Variants in COL23A1 observed in about 807,000 individuals in gnomAD.
The protein encoded by COL23A1 is collagen alpha-1(XXIII) chain.
Under a neutral mutation model 99.3 loss-of-function variants are expected in COL23A1, and 97 were observed. That is an observed-to-expected ratio of 0.98 (90% confidence interval 0.83 to 1.16). The LOEUF (loss-of-function observed/expected upper bound fraction) is 1.16, where lower values mean the gene tolerates loss of function less well. Among genes scored for constraint, COL23A1 ranks in the 50% most tolerant of loss-of-function variants. The pLI is 0.00. For missense variants in COL23A1, 762 were observed against 757.4 expected, an observed-to-expected ratio of 1.01 and a Z score of -0.07; for synonymous variants, 320 against 308.2, an observed-to-expected ratio of 1.04 and a Z score of -0.40.
chr5:178,498,215 T>C lies in COL23A1; in HGVS notation c.361+62467A>G, dbSNP rs1179558613. Among the ~76,000 whole-genome samples the C allele has an allele frequency of 1.2e-4, 4 of 33,550 alleles. No homozygotes were observed. In the African/African-American group the frequency reaches 1.2e-3, roughly 10 times the overall value. 22.0% of individuals were successfully genotyped at this position (33,550 alleles called of 152,430 possible). On this transcript the variant is annotated intron_variant, in intron 2 of 28. Coordinates refer to ENST00000390654, the MANE Select transcript of COL23A1 (RefSeq NM_173465.4). ...CCCTGTCTTTATTTAAATATATATA[T>C]ATATATATATATATATATATATATA... is the stretch of plus-strand genomic sequence containing the variant.
At position 178,245,167 on chromosome 5, in the gene COL23A1, C is replaced by G. The variant is rs564120922; in HGVS notation, c.1440+775G>C. Among the ~76,000 whole-genome samples the G allele has an allele frequency of 6.2e-5, 9 of 144,052 alleles. No individual in the cohort carries two copies. In the South Asian group the frequency reaches 2.1e-3, roughly 33 times the overall value. The allele number at this position is 144,052 out of a possible 152,430, so 94.5% of individuals were successfully genotyped here. ...CTATCATCCATCCATCCGTCCATCC[C>G]TCCATCCCTCCACTGCCATCATCAT... On this transcript the variant is annotated intron_variant, in intron 25 of 28. Transcript: ENST00000390654.
At chr5:178,330,386 G>A (rs1393384975) in intron 2 of COL23A1, among the ~76,000 whole-genome samples, 1 of 152,170 alleles carries the variant, frequency 6.6e-6, no homozygotes, top group East Asian at 1.9e-4. Flanking sequence ...GCTGAGCGCT[G>A]TGGCCCATGC....
At chr5:178,297,443 G>A (rs1757806663) in intron 3 of COL23A1, among the ~76,000 whole-genome samples, 1 of 152,166 alleles carries the variant, frequency 6.6e-6, no homozygotes, top group Admixed American at 6.5e-5. Context: ...GCTTGAACCT[G>A]GGAGGCAGAT....
Position 178,246,255 on chromosome 5 carries a change from T to C in COL23A1, c.1412A>G (p.Lys471Arg). 1 of 1,553,602 alleles carries C rather than the reference T, an allele frequency of 6.4e-7. No homozygotes were observed. The highest frequency in any genetic ancestry group is 8.7e-7 in the Non-Finnish European group (1 of 1,147,780). ...LIGLPGTKGE[K>R]GRPGEPGLDG... ...GGGAGTTCCGAATGAGGCGGTTACC[T>C]TCTCTCCTTTGGTTCCTGGCAGCCC... Residue 471 changes from lysine (K) to arginine (R), a missense_variant and splice_region_variant, in exon 24 of 29, where the codon AAG becomes AGG. Transcript: ENST00000390654.
At chr5:178,277,903 C>G in intron 5 of COL23A1, among the ~76,000 whole-genome samples, 1 of 152,142 alleles carries the variant, frequency 6.6e-6, no homozygotes, top group Admixed American at 6.5e-5. Context: ...GCTTGACCCC[C>G]GTGGGGTGAG....
At chr5:178,462,918 C>T (rs763218751) in intron 2 of COL23A1, among the ~76,000 whole-genome samples, 5 of 152,154 alleles carry the variant, frequency 3.3e-5, no homozygotes, top group Non-Finnish European at 7.3e-5. Context: ...GACTGCGGAA[C>T]GAGGAGGAGA....
intron 2 of COL23A1, among the ~76,000 whole-genome samples, chr5:178,518,449 C>G (rs1195759626): frequency 2.0e-5 from 3 of 150,572 alleles, no homozygotes; most frequent in Non-Finnish European, 4.4e-5. Context: ...GGCAGAGGGG[C>G]TCCTCACTTC....
At chr5:178,293,066 G>C (rs114942415) in intron 3 of COL23A1, among the ~76,000 whole-genome samples, 1,566 of 152,158 alleles carry the variant, frequency 0.01, 32 homozygotes, top group African/African-American at 0.035. Flanking sequence ...GGGGTTGAGG[G>C]ATGTGGACAG....
chr5:178,331,709 C>G (rs1354392327), intron 2 of COL23A1, among the ~76,000 whole-genome samples: 1 of 152,200 alleles, frequency 6.6e-6, no homozygotes, highest in Non-Finnish European at 1.5e-5. Flanking sequence ...GGGCCATGTG[C>G]AGAGTTTTTC....
At chr5:178,481,131 CAAA>C (rs10625763) in intron 2 of COL23A1, among the ~76,000 whole-genome samples, 4 of 102,274 alleles carry the variant, frequency 3.9e-5, no homozygotes, top group Admixed American at 1.2e-4. Flanking sequence ...GACTGTCTCT[CAAA>C]AAAAAAAAAA....
Position 178,329,936 on chromosome 5 carries a change from C to CAAA in COL23A1, c.362-23020_362-23018dup, listed in dbSNP as rs11367167. Among the ~76,000 whole-genome samples, 245 of 135,386 alleles carry CAAA rather than the reference C, an allele frequency of 1.8e-3. 4 individuals carry two copies. The South Asian group carries it at 0.042, about 23-fold the overall frequency. The allele number at this position is 135,386 out of a possible 152,430, so 88.8% of individuals were successfully genotyped here. A position where few individuals can be genotyped will look rare whatever the true frequency, so the allele number is the denominator to read the frequency against. ...TGGATGACACAGTGAGATTCTGTCT[C>CAAA]AAAAAAAAAAAAAAAAGAAGAAAGA... On this transcript the variant is annotated intron_variant, in intron 2 of 28. Transcript: ENST00000390654.
intron 2 of COL23A1, among the ~76,000 whole-genome samples, chr5:178,435,241 C>T (rs1292950981): frequency 6.6e-6 from 1 of 152,154 alleles, no homozygotes; most frequent in Non-Finnish European, 1.5e-5. Flanking sequence ...TTTTAATCTC[C>T]GGATGAGGTG....
At chr5:178,500,270 A>G (rs892742107) in intron 2 of COL23A1, among the ~76,000 whole-genome samples, 9 of 152,022 alleles carry the variant, frequency 5.9e-5, no homozygotes, top group Non-Finnish European at 1.3e-4. Flanking sequence ...ATTTTCCATT[A>G]TATTTCAATG....
chr5:178,408,271 T>A (rs141386722), intron 2 of COL23A1, among the ~76,000 whole-genome samples: 1 of 152,316 alleles, frequency 6.6e-6, no homozygotes, highest in Non-Finnish European at 1.5e-5. Context: ...CAGGTGAGGT[T>A]AAATTAAGAC....
chr5:178,276,540 C>T (rs950699462), intron 5 of COL23A1, among the ~76,000 whole-genome samples: 2 of 152,100 alleles, frequency 1.3e-5, no homozygotes, highest in African/African-American at 4.8e-5. Flanking sequence ...GTGCACATTC[C>T]TGTGTGAAGG....
chr5:178,345,372 T>TAA, intron 2 of COL23A1: 1 of 451,252 alleles, frequency 2.2e-6, no homozygotes, highest in Non-Finnish European at 4.2e-6. Context: ...GCCTGCTTAT[T>TAA]AGACCTTTTG....
At chr5:178,427,747 G>A (rs1023650551) in intron 2 of COL23A1, among the ~76,000 whole-genome samples, 3 of 152,196 alleles carry the variant, frequency 2.0e-5, no homozygotes, top group Non-Finnish European at 4.4e-5. Context: ...ATGACATTCT[G>A]GGAAAGGCAA....
At chr5:178,358,287 T>C (rs917550552) in intron 2 of COL23A1, among the ~76,000 whole-genome samples, 7 of 148,726 alleles carry the variant, frequency 4.7e-5, no homozygotes, top group African/African-American at 1.5e-4. Context: ...TGTATGCGTG[T>C]GCGTATATGT....
At chr5:178,532,740 C>T (rs1760716316) in intron 2 of COL23A1, among the ~76,000 whole-genome samples, 1 of 152,058 alleles carries the variant, frequency 6.6e-6, no homozygotes, top group Non-Finnish European at 1.5e-5. Flanking sequence ...GGTAATTAGG[C>T]ATACATGCAA....
Sources: allele counts gnomAD v4.1 joint callset (sites outside exome capture counted in the v4.1 genomes callset), GRCh38; gene constraint gnomAD v4.1.1; transcripts MANE v1.5; gene names NCBI Gene and HGNC (gene_info 2026-07-23, HGNC 2026-07-21).